Variants in ATP8A2 observed in about 807,000 individuals in gnomAD.
ATP8A2 encodes ATPase phospholipid transporting 8A2.
Under a neutral mutation model 165.6 loss-of-function variants are expected in ATP8A2, and 100 were observed. That is an observed-to-expected ratio of 0.60 (90% confidence interval 0.51 to 0.71). The LOEUF is 0.71. ATP8A2 is among the 30% of genes least tolerant of loss of function. The pLI is 0.00. For synonymous variants in ATP8A2, 543 were observed against 548.8 expected (o/e 0.99, Z 0.15); for missense variants, 1,227 against 1,479.5 (o/e 0.83, Z 2.80).
chr13:25,796,305 T>C (rs1950497119), intron 27 of ATP8A2, among the ~76,000 whole-genome samples: 1 of 152,196 alleles, frequency 6.6e-6, no homozygotes, highest in Admixed American at 6.5e-5. Flanking sequence ...TTCAGAAAAC[T>C]ACTTTATCAG....
chr13:25,943,544 C>T (rs543504203), intron 33 of ATP8A2, among the ~76,000 whole-genome samples: 7 of 152,290 alleles, frequency 4.6e-5, no homozygotes, highest in African/African-American at 1.4e-4. Context: ...AGTGTGCAAT[C>T]CCATCTAGGT....
At chr13:25,826,559 C>G (rs1332143075) in intron 27 of ATP8A2, among the ~76,000 whole-genome samples, 1 of 152,160 alleles carries the variant, frequency 6.6e-6, no homozygotes, top group Non-Finnish European at 1.5e-5. Flanking sequence ...TTTGAAAAAT[C>G]TGCCTCAGTA....
intron 33 of ATP8A2, among the ~76,000 whole-genome samples, chr13:25,920,842 C>T (rs528103602): frequency 1.2e-4 from 18 of 152,248 alleles, no homozygotes; most frequent in South Asian, 2.1e-4. Flanking sequence ...CTTGGGAGGC[C>T]GAGGTGGGTG....
intron 2 of ATP8A2, among the ~76,000 whole-genome samples, chr13:25,499,575 T>A (rs2036786636): frequency 6.6e-6 from 1 of 152,210 alleles, no homozygotes; most frequent in African/African-American, 2.4e-5. Context: ...GTCAATTGCC[T>A]GACATATATT....
chr13:25,890,934 C>T (rs944666289), intron 33 of ATP8A2, among the ~76,000 whole-genome samples: 2 of 152,168 alleles, frequency 1.3e-5, no homozygotes, highest in African/African-American at 4.8e-5. Flanking sequence ...CACGTTTTTA[C>T]AACTCAGCAG....
At chr13:25,847,756 C>T (rs932344182) in intron 30 of ATP8A2, among the ~76,000 whole-genome samples, 2 of 152,064 alleles carry the variant, frequency 1.3e-5, no homozygotes, top group East Asian at 1.9e-4. Flanking sequence ...GCCTTGATTC[C>T]GGAGACACTG....
At chr13:25,379,232 C>G (rs546744663) in intron 1 of ATP8A2, among the ~76,000 whole-genome samples, 62 of 152,282 alleles carry the variant, frequency 4.1e-4, no homozygotes, top group Non-Finnish European at 6.6e-4. Context: ...TTTTCTATCT[C>G]TAGAGATACT....
chr13:25,774,267 G>T (rs1006371112), intron 26 of ATP8A2, among the ~76,000 whole-genome samples: 2 of 152,182 alleles, frequency 1.3e-5, no homozygotes, highest in African/African-American at 4.8e-5. Flanking sequence ...CAGAGACTTG[G>T]ATGGAGCTGG....
intron 33 of ATP8A2, among the ~76,000 whole-genome samples, chr13:25,892,478 G>GTCTCTCTGTCTCTCTGTCTCTC (rs1555286135): frequency 2.2e-5 from 3 of 136,248 alleles, no homozygotes; most frequent in East Asian, 4.2e-4. Flanking sequence ...CTGTCTCTCT[G>GTCTCTCTGTCTCTCTGTCTCTC]TCTCTCTCTC....
intron 2 of ATP8A2, among the ~76,000 whole-genome samples, chr13:25,490,749 GTTTGTTT>G (rs1243093533): frequency 8.7e-5 from 13 of 149,298 alleles, no homozygotes; most frequent in Admixed American, 1.3e-4. Flanking sequence ...TTGTTTGTTT[GTTTGTTT>G]TTTGTTTTTT....
At chr13:25,474,298 G>A (rs866849448) in intron 2 of ATP8A2, among the ~76,000 whole-genome samples, 3 of 152,046 alleles carry the variant, frequency 2.0e-5, no homozygotes, top group African/African-American at 2.4e-5. Flanking sequence ...GCAGTGGCTC[G>A]CGCCTATAAT....
At chr13:25,854,974 G>A (rs1357286199) in intron 30 of ATP8A2, among the ~76,000 whole-genome samples, 3 of 152,108 alleles carry the variant, frequency 2.0e-5, no homozygotes, top group Admixed American at 2.0e-4. Context: ...CTCCTGGCCG[G>A]GCACGGTGGC....
chr13:25,674,591 G>C (rs1342573039), intron 24 of ATP8A2, among the ~76,000 whole-genome samples: 1 of 152,130 alleles, frequency 6.6e-6, no homozygotes, highest in Admixed American at 6.5e-5. Flanking sequence ...CCACAGACTT[G>C]AGTGTCAAAT....
chr13:25,689,276 G>C (rs547134647), intron 24 of ATP8A2, among the ~76,000 whole-genome samples: 2 of 152,310 alleles, frequency 1.3e-5, no homozygotes, highest in South Asian at 4.1e-4. Context: ...TGACTATACC[G>C]CTTATGTGCT....
chr13:25,397,523 CTGCT>C (rs1381898713), intron 1 of ATP8A2, among the ~76,000 whole-genome samples: 1 of 152,118 alleles, frequency 6.6e-6, no homozygotes, highest in Non-Finnish European at 1.5e-5. Flanking sequence ...CCAGGACGGG[CTGCT>C]TGCAATATGG....
intron 1 of ATP8A2, among the ~76,000 whole-genome samples, chr13:25,374,684 T>G (rs1239356631): frequency 6.6e-6 from 1 of 152,074 alleles, no homozygotes; most frequent in African/African-American, 2.4e-5. Flanking sequence ...GGCTGAAAGT[T>G]CCAGGAGACA....
intron 1 of ATP8A2, among the ~76,000 whole-genome samples, chr13:25,392,219 CAT>C (rs1411398932): frequency 1.3e-5 from 2 of 152,214 alleles, no homozygotes; most frequent in African/African-American, 4.8e-5. Flanking sequence ...CACATCAGCA[CAT>C]GTCTGTGAAA....
chr13:25,431,964 A>C (rs1433728821), intron 1 of ATP8A2, among the ~76,000 whole-genome samples: 3 of 152,108 alleles, frequency 2.0e-5, no homozygotes, highest in Non-Finnish European at 4.4e-5. Flanking sequence ...TATTCTGGGC[A>C]TTTCCTTTAA....
intron 24 of ATP8A2, among the ~76,000 whole-genome samples, chr13:25,652,162 TGGGGTGGTAAA>T (rs2137636035): frequency 2.0e-5 from 3 of 152,250 alleles, no homozygotes; most frequent in African/African-American, 7.2e-5. Flanking sequence ...AGGGGTGGGA[TGGGGTGGTAAA>T]ATCTCAGAAT....
Sources: allele counts gnomAD v4.1 joint callset (sites outside exome capture counted in the v4.1 genomes callset), GRCh38; gene constraint gnomAD v4.1.1; transcripts MANE v1.5; gene names NCBI Gene and HGNC (gene_info 2026-07-23, HGNC 2026-07-21).